The following GAS7 variants were observed in gnomAD, a reference collection of about 807,000 sequenced individuals.
The protein encoded by GAS7 is growth arrest-specific protein 7.
Under a neutral mutation model 71.1 loss-of-function variants are expected in GAS7, and 28 were observed. That is an observed-to-expected ratio of 0.39 (90% CI 0.29 to 0.54). The LOEUF (loss-of-function observed/expected upper bound fraction) is 0.54. GAS7 is among the 20% of genes least tolerant of loss of function. GAS7 has a pLI of 0.62. For missense variants in GAS7, 436 were observed against 627.8 expected (o/e 0.69, Z 3.27); for synonymous variants, 258 against 245.8 (o/e 1.05, Z -0.46).
intron 1 of GAS7, among the ~76,000 whole-genome samples, chr17:10,142,087 G>A (rs1416311958): frequency 6.6e-6 from 1 of 152,006 alleles, no homozygotes; most frequent in Non-Finnish European, 1.5e-5. Flanking sequence ...AATTAGCCGG[G>A]CGTGGTGGCA....
chr17:10,164,440 C>CA (rs765625699), intron 1 of GAS7, among the ~76,000 whole-genome samples: 4,245 of 115,952 alleles, frequency 0.037, 140 homozygotes, highest in African/African-American at 0.079. Flanking sequence ...GACTCTGTCT[C>CA]AAAAAAAAAA....
At chr17:10,097,084 C>G (rs2073648298) in intron 1 of GAS7, among the ~76,000 whole-genome samples, 1 of 152,244 alleles carries the variant, frequency 6.6e-6, no homozygotes, top group African/African-American at 2.4e-5. Flanking sequence ...TGTGCCTTTG[C>G]CCACGCCGAT....
intron 2 of GAS7, among the ~76,000 whole-genome samples, chr17:9,991,419 C>T (rs1316901374): frequency 6.6e-6 from 1 of 152,156 alleles, no homozygotes; most frequent in Non-Finnish European, 1.5e-5. Flanking sequence ...GGCTCCTGTG[C>T]CCATTTCACA....
intron 1 of GAS7, among the ~76,000 whole-genome samples, chr17:10,174,540 A>G (rs2074357993): frequency 1.3e-5 from 2 of 152,042 alleles, no homozygotes; most frequent in African/African-American, 4.8e-5. Flanking sequence ...AAAATACAAA[A>G]AATTAGCCGG....
rs2067474484 is a variant in GAS7, at chr17:9,912,834, AAAG to A, written c.*4391_*4393del. On this transcript the variant is annotated 3_prime_UTR_variant, in exon 14 of 14. Coordinates refer to ENST00000432992, the MANE Select transcript of GAS7 (RefSeq NM_201433.2). Reference sequence around the variant, plus strand: ...AGGGCGAAAGGCTCAGTGTAAAAATAAAGAAGCAGAGTAGTACGCCCATGCAAT... The same window carrying A: ...AGGGCGAAAGGCTCAGTGTAAAAATAAAGCAGAGTAGTACGCCCATGCAAT... The A allele has an allele frequency of 8.6e-6, 2 of 232,652 alleles. No individual in the cohort carries two copies. Among genetic ancestry groups the A allele is most frequent in the African/African-American group, 4.4e-5 (2 of 45,330 alleles). The allele number at this position is 232,652 out of a possible 1,614,324, so 14.4% of individuals were successfully genotyped here. A position where few individuals can be genotyped will look rare whatever the true frequency, so the allele number is the denominator to read the frequency against.
chr17:10,105,290 G>T (rs1029241812), intron 1 of GAS7, among the ~76,000 whole-genome samples: 1 of 152,144 alleles, frequency 6.6e-6, no homozygotes, highest in African/African-American at 2.4e-5. Context: ...GGCTCAGGTG[G>T]TGGCTCCTCC....
At chr17:10,072,682 C>G (rs182729346) in intron 1 of GAS7, among the ~76,000 whole-genome samples, 1 of 152,178 alleles carries the variant, frequency 6.6e-6, no homozygotes, top group African/African-American at 2.4e-5. Flanking sequence ...CACAACCCTA[C>G]CCCGATCCAC....
chr17:10,158,322 TTTTC>T (rs1198487360), intron 1 of GAS7, among the ~76,000 whole-genome samples: 1 of 143,606 alleles, frequency 7.0e-6, no homozygotes, highest in Non-Finnish European at 1.5e-5. Flanking sequence ...CAATCCTGTT[TTTTC>T]TTTTTTTGGT....
chr17:10,029,430 C>T (rs79826459), intron 1 of GAS7, among the ~76,000 whole-genome samples: 15 of 152,164 alleles, frequency 9.9e-5, no homozygotes, highest in African/African-American at 9.7e-5. Context: ...CCAGGCTGAA[C>T]GCTGAAAGCA....
chr17:10,004,652 G>A (rs1240607497), intron 2 of GAS7, among the ~76,000 whole-genome samples: 7 of 152,144 alleles, frequency 4.6e-5, no homozygotes, highest in South Asian at 2.1e-4. Flanking sequence ...AAGTCTGCTC[G>A]CCCTAGATTT....
At chr17:9,999,970 C>T (rs753195626) in intron 2 of GAS7, among the ~76,000 whole-genome samples, 86 of 152,282 alleles carry the variant, frequency 5.6e-4, no homozygotes, top group Middle Eastern at 3.4e-3. Context: ...ATGCTAGGAA[C>T]AGGGGCAGCC....
At chr17:9,979,927 G>C (rs937237042) in intron 3 of GAS7, among the ~76,000 whole-genome samples, 25 of 151,780 alleles carry the variant, frequency 1.6e-4, no homozygotes, top group African/African-American at 6.0e-4. Flanking sequence ...ACTGCCTGCT[G>C]TCACACGGCA....
chr17:9,949,852 G>GCCCTCCCT (rs534864829), intron 5 of GAS7, among the ~76,000 whole-genome samples: 1 of 93,380 alleles, frequency 1.1e-5, no homozygotes, highest in Non-Finnish European at 2.0e-5. Flanking sequence ...CTTCCCTCCT[G>GCCCTCCCT]CCCTCCCTCC....
chr17:9,939,126 G>T (rs2068505277), intron 8 of GAS7, among the ~76,000 whole-genome samples: 1 of 152,180 alleles, frequency 6.6e-6, no homozygotes, highest in African/African-American at 2.4e-5. Context: ...TAGTTTGAGT[G>T]CCTGTACTCA....
chr17:9,930,459 C>A (rs2068168755), intron 9 of GAS7, among the ~76,000 whole-genome samples: 1 of 152,214 alleles, frequency 6.6e-6, no homozygotes, highest in Non-Finnish European at 1.5e-5. Context: ...TCCCCTAAAT[C>A]TTCTGATGGA....
intron 1 of GAS7, among the ~76,000 whole-genome samples, chr17:10,022,642 G>C (rs556057131): frequency 1.3e-5 from 2 of 152,164 alleles, no homozygotes; most frequent in Non-Finnish European, 2.9e-5. Flanking sequence ...GGAAGACGAC[G>C]GAGAGGGTAA....
At chr17:9,956,887 T>C (rs554190698) in intron 5 of GAS7, among the ~76,000 whole-genome samples, 1 of 152,234 alleles carries the variant, frequency 6.6e-6, no homozygotes, top group South Asian at 2.1e-4. Context: ...CATCTCCTTC[T>C]TGGGAAACCA....
At chr17:9,942,922 A>G (rs2068655030) in intron 7 of GAS7, among the ~76,000 whole-genome samples, 199 bp downstream of exon 7, 1 of 152,192 alleles carries the variant, frequency 6.6e-6, no homozygotes, top group Admixed American at 6.5e-5. Flanking sequence ...TGCTTTCAAT[A>G]TTTAAAAACA....
chr17:10,024,127 A>T (rs1040638494), intron 1 of GAS7, among the ~76,000 whole-genome samples: 1 of 152,132 alleles, frequency 6.6e-6, no homozygotes, highest in Non-Finnish European at 1.5e-5. Flanking sequence ...CTGTTTCAAA[A>T]ATAAAGAAAA....
Sources: gnomAD v4.1 joint callset for allele counts (sites outside exome capture counted in the v4.1 genomes callset) on GRCh38, gnomAD v4.1.1 for gene constraint, MANE v1.5 for transcripts, NCBI Gene and HGNC (gene_info 2026-07-23, HGNC 2026-07-21) for gene names.